P2RY8: variants seen among roughly 807,000 people sequenced by gnomAD.
The protein encoded by P2RY8 is P2Y receptor family member 8, also known as S-geranylgeranyl-glutathione receptor P2RY8.
P2RY8 carries 6 observed loss-of-function variants against 10.0 expected under a neutral mutation model. That is an observed-to-expected ratio of 0.60 (90% CI 0.33 to 1.19). The LOEUF is 1.19. Ranked by LOEUF, P2RY8 falls within the 50% of genes most tolerant of loss-of-function variation. P2RY8 has a pLI of 0.04. For missense variants in P2RY8, 456 were observed against 542.0 expected (o/e 0.84, Z 1.58); for synonymous variants, 276 against 252.5 (o/e 1.09, Z -0.88).
At chrX:1,498,269 G>A (rs1336809833) in intron 1 of P2RY8, among the ~76,000 whole-genome samples, 6 of 151,654 alleles carry the variant, frequency 4.0e-5, no homozygotes, top group East Asian at 4.0e-4. Flanking sequence ...AGCCGGGTGT[G>A]GTGGCGGGTG....
At chrX:1,512,737 A>T (rs1255671230) in intron 1 of P2RY8, among the ~76,000 whole-genome samples, 1 of 152,106 alleles carries the variant, frequency 6.6e-6, no homozygotes, top group Non-Finnish European at 1.5e-5. Flanking sequence ...TAAAACCATC[A>T]GATCTCCTGA....
intron 1 of P2RY8, among the ~76,000 whole-genome samples, chrX:1,504,914 C>G (rs2092216596): frequency 6.6e-6 from 1 of 151,998 alleles, no homozygotes; most frequent in Non-Finnish European, 1.5e-5. Context: ...GGGTGGATCA[C>G]AAGGTCAGGA....
At chrX:1,511,267 C>G (rs2091118481) in intron 1 of P2RY8, among the ~76,000 whole-genome samples, 1 of 152,186 alleles carries the variant, frequency 6.6e-6, no homozygotes, top group Non-Finnish European at 1.5e-5. Context: ...TCTCTACCCC[C>G]AAGTGAATGT....
chrX:1,471,094 G>A (rs1199048212), intron 1 of P2RY8, among the ~76,000 whole-genome samples: 5 of 149,042 alleles, frequency 3.4e-5, no homozygotes, highest in East Asian at 2.0e-4. Context: ...GGCAACCTCC[G>A]CTTCCCCGGT....
At chrX:1,497,083 G>A (rs1376485154) in intron 1 of P2RY8, among the ~76,000 whole-genome samples, 8 of 150,594 alleles carry the variant, frequency 5.3e-5, no homozygotes, top group African/African-American at 2.0e-4. Flanking sequence ...GCCAGGCGTG[G>A]TGGTGGCGGG....
intron 1 of P2RY8, among the ~76,000 whole-genome samples, chrX:1,517,560 C>A (rs2092360506): frequency 6.6e-6 from 1 of 152,136 alleles, no homozygotes; most frequent in African/African-American, 2.4e-5. Context: ...GGGCTCTGAG[C>A]AAAATGGAAA....
At chrX:1,515,602 C>A (rs189210183) in intron 1 of P2RY8, among the ~76,000 whole-genome samples, 7,325 of 151,612 alleles carry the variant, frequency 0.048, 447 homozygotes, top group African/African-American at 0.14. Context: ...AACTCCTGAC[C>A]TCACGTGATC....
chrX:1,466,212 C>G lies in P2RY8; in HGVS notation c.347G>C (p.Cys116Ser), dbSNP rs374723732. The G allele has an allele frequency of 1.2e-6, 2 of 1,613,246 alleles. No individual in the cohort carries two copies. The highest frequency in any genetic ancestry group is 1.7e-6 in the Non-Finnish European group (2 of 1,179,654). ...CCCCAGGAAGCGCTCCACGCTGATA[C>G]AGGTCATGGTGAGGATGCTGGAATA... ...NMYSSILTMT[C>S]ISVERFLGVL... The change falls in exon 2 of 2, where the codon TGT (cysteine) becomes TCT (serine). Residue 116 changes from cysteine (C) to serine (S), a missense_variant. By Grantham distance (112) the Cys-to-Ser change is moderately radical. Transcript: ENST00000381297.
chrX:1,515,003 A>G (rs1209562303), intron 1 of P2RY8, among the ~76,000 whole-genome samples: 4 of 148,296 alleles, frequency 2.7e-5, no homozygotes, highest in African/African-American at 1.0e-4. Flanking sequence ...TCCCTGGTTC[A>G]AGCAATTCTC....
chrX:1,488,603 C>T (rs1390637902), intron 1 of P2RY8, among the ~76,000 whole-genome samples: 1 of 152,158 alleles, frequency 6.6e-6, no homozygotes, highest in Non-Finnish European at 1.5e-5. Context: ...CATTTCATTC[C>T]AGCCCATGGG....
rs764214160 is a variant in P2RY8 at position 1,473,960 on chromosome X, T to C, written c.-24-7378A>G. 4.7e-3 allele frequency among the ~76,000 whole-genome samples: 706 copies of C among 150,362 alleles called. 4 individuals carry two copies. The highest frequency in any genetic ancestry group is 8.6e-3 in the Non-Finnish European group (582 of 67,640). ...ATGGGTGGGTGGATGGATGGGTGGATAGATGGATGAGTGGGTGGATGGACG... is the reference window on the plus strand; with the variant it reads ...ATGGGTGGGTGGATGGATGGGTGGACAGATGGATGAGTGGGTGGATGGACG... On this transcript the variant is annotated intron_variant, in intron 1 of 1. Coordinates refer to ENST00000381297, the MANE Select transcript of P2RY8 (RefSeq NM_178129.5).
intron 1 of P2RY8, among the ~76,000 whole-genome samples, chrX:1,485,523 G>A (rs1244371847): frequency 2.7e-5 from 4 of 150,890 alleles, no homozygotes; most frequent in Non-Finnish European, 4.4e-5. Flanking sequence ...ATTTACTTTT[G>A]TTTCTCTTTT....
intron 1 of P2RY8, among the ~76,000 whole-genome samples, chrX:1,517,547 T>C (rs2092360443): frequency 6.6e-6 from 1 of 152,184 alleles, no homozygotes; most frequent in East Asian, 1.9e-4. Flanking sequence ...GGAAGTCATC[T>C]GAGGGCTCTG....
At chrX:1,529,534 G>C (rs191562676) in intron 1 of P2RY8, among the ~76,000 whole-genome samples, 1 of 152,172 alleles carries the variant, frequency 6.6e-6, no homozygotes, top group African/African-American at 2.4e-5. Context: ...GGTGGAGCCT[G>C]GGAAGATGCT....
intron 1 of P2RY8, among the ~76,000 whole-genome samples, chrX:1,494,730 G>C (rs1446665106): frequency 6.6e-6 from 1 of 152,160 alleles, no homozygotes; most frequent in East Asian, 1.9e-4. Context: ...TTTTGAGACT[G>C]AGTCTCGCTC....
chrX:1,501,682 C>G (rs2092181512), intron 1 of P2RY8, among the ~76,000 whole-genome samples: 1 of 152,092 alleles, frequency 6.6e-6, no homozygotes, highest in African/African-American at 2.4e-5. Context: ...CAACCTCCAT[C>G]TCCCGGGTTC....
At chrX:1,502,486 A>T (rs6645258) in intron 1 of P2RY8, among the ~76,000 whole-genome samples, 32,469 of 151,826 alleles carry the variant, frequency 0.21, 4,135 homozygotes, top group East Asian at 0.54. Flanking sequence ...TCCCGGCAAC[A>T]CGCTTTGCCG....
chrX:1,467,025 A>G (rs1283694833), intron 1 of P2RY8, among the ~76,000 whole-genome samples: 3 of 110,114 alleles, frequency 2.7e-5, no homozygotes, highest in South Asian at 2.7e-4. Flanking sequence ...GCATTGTCAT[A>G]CAAACCTCAA....
At chrX:1,478,256 T>C (rs2091898086) in intron 1 of P2RY8, among the ~76,000 whole-genome samples, 1 of 114,644 alleles carries the variant, frequency 8.7e-6, no homozygotes, top group Non-Finnish European at 1.9e-5. Flanking sequence ...CGTATGTGTG[T>C]GTGTGTGTGT....
Sources: allele counts gnomAD v4.1 joint callset (sites outside exome capture counted in the v4.1 genomes callset), GRCh38; gene constraint gnomAD v4.1.1; transcripts MANE v1.5; gene names NCBI Gene and HGNC (gene_info 2026-07-23, HGNC 2026-07-21).